GABRA2: variants seen among roughly 807,000 people sequenced by gnomAD.
The protein encoded by GABRA2 is gamma-aminobutyric acid receptor subunit alpha-2.
GABRA2 carries 16 observed loss-of-function variants against 48.7 expected under a neutral mutation model. That is an observed-to-expected ratio of 0.33 (90% confidence interval 0.22 to 0.50). The LOEUF is 0.50. GABRA2 is among the 20% of genes least tolerant of loss of function. The pLI, the probability that GABRA2 is intolerant of heterozygous loss-of-function variation, is 0.98. For synonymous variants in GABRA2, 185 were observed against 184.5 expected (o/e 1.00, Z -0.02); for missense variants, 275 against 535.6 (o/e 0.51, Z 4.80).
chr4:46,311,629 CAT>C (rs1727661194), intron 5 of GABRA2, among the ~76,000 whole-genome samples: 1 of 152,082 alleles, frequency 6.6e-6, no homozygotes, highest in South Asian at 2.1e-4. Flanking sequence ...CAGTTTAAAT[CAT>C]ATAAACAATG....
At chr4:46,374,401 T>C (rs1715376412) in intron 3 of GABRA2, among the ~76,000 whole-genome samples, 1 of 152,114 alleles carries the variant, frequency 6.6e-6, no homozygotes. Flanking sequence ...TTTGCCAACA[T>C]AATGGAAACC....
At chr4:46,262,759 G>T (rs493592) in intron 8 of GABRA2, among the ~76,000 whole-genome samples, 1 of 151,682 alleles carries the variant, frequency 6.6e-6, no homozygotes, top group Non-Finnish European at 1.5e-5. Flanking sequence ...TTAGCCCAGC[G>T]TGGTGGCAGG....
In GABRA2 at chr4:46,259,163, G is replaced by A. The variant is rs998933781; in HGVS notation, c.1059+2763C>T. Among the ~76,000 whole-genome samples, 19 of 151,828 alleles carry A rather than the reference G, an allele frequency of 1.3e-4. 1 individual carries two copies. The highest frequency in any genetic ancestry group is 1.1e-3 in the Admixed American group (16 of 15,194). ...GGTTTGAGAAAGCAAGAAGGAAAGA[G>A]ATCCAATCAAGAGCTAGGATGAAAG... is the stretch of plus-strand genomic sequence containing the variant. On this transcript the variant is annotated intron_variant, in intron 9 of 9. Transcript: ENST00000381620.
chr4:46,301,020 C>T (rs184135207), intron 8 of GABRA2, among the ~76,000 whole-genome samples: 24 of 152,140 alleles, frequency 1.6e-4, no homozygotes, highest in African/African-American at 2.6e-4. Flanking sequence ...GCTTTAGTTA[C>T]GCAAGATAAA....
At chr4:46,368,602 G>T (rs1052514817) in intron 3 of GABRA2, 3 of 193,000 alleles carry the variant, frequency 1.6e-5, no homozygotes, top group Non-Finnish European at 3.2e-5. Context: ...TTTCCGACTG[G>T]TTTTTTCATA....
At chr4:46,342,284 T>G (rs1733372002) in intron 3 of GABRA2, among the ~76,000 whole-genome samples, 1 of 152,074 alleles carries the variant, frequency 6.6e-6, no homozygotes, top group Admixed American at 6.6e-5. Flanking sequence ...TTATATAACC[T>G]CTGCCACTGC....
At chr4:46,355,417 C>T (rs1339077280) in intron 3 of GABRA2, among the ~76,000 whole-genome samples, 1 of 152,154 alleles carries the variant, frequency 6.6e-6, no homozygotes, top group East Asian at 1.9e-4. Context: ...CCTTTGCAAA[C>T]TCAGTAAAGG....
intron 3 of GABRA2, among the ~76,000 whole-genome samples, chr4:46,359,858 A>G (rs1241739946): frequency 1.3e-5 from 2 of 151,888 alleles, no homozygotes; most frequent in African/African-American, 4.8e-5. Flanking sequence ...CAGAGCTTGC[A>G]GTGAGCCAAG....
intron 3 of GABRA2, among the ~76,000 whole-genome samples, chr4:46,344,136 C>A (rs771545902): frequency 5.3e-5 from 8 of 151,836 alleles, no homozygotes; most frequent in Non-Finnish European, 1.0e-4. Context: ...AGGACGCAGT[C>A]CCAACATTTA....
intron 3 of GABRA2, among the ~76,000 whole-genome samples, chr4:46,371,468 A>AT (rs1488297056): frequency 1.3e-5 from 2 of 151,994 alleles, no homozygotes; most frequent in African/African-American, 4.8e-5. Context: ...TTCATTACAG[A>AT]TTTTTTCTTC....
chr4:46,327,457 C>T (rs1425879841), intron 4 of GABRA2, among the ~76,000 whole-genome samples: 3 of 151,976 alleles, frequency 2.0e-5, no homozygotes, highest in Admixed American at 6.6e-5. Flanking sequence ...ATGTCAATAA[C>T]CTTACAGCAA....
At chr4:46,369,240 C>A (rs1274610068) in intron 3 of GABRA2, among the ~76,000 whole-genome samples, 1 of 152,042 alleles carries the variant, frequency 6.6e-6, no homozygotes, top group Non-Finnish European at 1.5e-5. Context: ...ATCAGGGAAG[C>A]TATTACCGAA....
intron 3 of GABRA2, among the ~76,000 whole-genome samples, chr4:46,350,676 G>T (rs958435136): frequency 2.0e-5 from 3 of 151,620 alleles, no homozygotes; most frequent in Non-Finnish European, 4.4e-5. Flanking sequence ...CTGAGAAATG[G>T]ATAAATGAAT....
At chr4:46,319,676 A>G (rs1729125914) in intron 4 of GABRA2, among the ~76,000 whole-genome samples, 1 of 151,846 alleles carries the variant, frequency 6.6e-6, no homozygotes, top group African/African-American at 2.4e-5. Context: ...GCAGAACAAC[A>G]TAGCTACTGC....
intron 8 of GABRA2, among the ~76,000 whole-genome samples, chr4:46,281,957 G>A (rs1350506990): frequency 2.6e-5 from 4 of 152,170 alleles, no homozygotes; most frequent in Non-Finnish European, 5.9e-5. Context: ...GAGAAGGAAT[G>A]CATCCTGGTG....
chr4:46,326,257 C>T (rs1730352563), intron 4 of GABRA2, among the ~76,000 whole-genome samples: 1 of 151,876 alleles, frequency 6.6e-6, no homozygotes, highest in Non-Finnish European at 1.5e-5. Context: ...ACCCTCCTTC[C>T]CCAAGAAAGC....
chr4:46,389,776 C>T lies in GABRA2; in HGVS notation c.-52G>A. On this transcript the variant is annotated 5_prime_UTR_variant, in exon 1 of 10. Transcript: ENST00000381620. Reference sequence around the variant, plus strand: ...AATTCGGTGTTTTCTTCCTTTTGCCCTGATCTTGACGAGATAGGAAACTTG... The same window carrying T: ...AATTCGGTGTTTTCTTCCTTTTGCCTTGATCTTGACGAGATAGGAAACTTG... The T allele has an allele frequency of 1.0e-6, 1 of 964,228 alleles. No individual in the cohort carries two copies. Among genetic ancestry groups the T allele is most frequent in the Non-Finnish European group, 1.2e-6 (1 of 825,970 alleles). The allele number at this position is 964,228 out of a possible 1,614,324, so 59.7% of individuals were successfully genotyped here. A position where few individuals can be genotyped will look rare whatever the true frequency, so the allele number is the denominator to read the frequency against.
At chr4:46,374,062 A>G (rs537654679) in intron 3 of GABRA2, among the ~76,000 whole-genome samples, 173 of 152,246 alleles carry the variant, frequency 1.1e-3, no homozygotes, top group Non-Finnish European at 2.1e-3. Context: ...GAGTTTCTCT[A>G]TATGATCACA....
At chr4:46,360,282 T>C (rs898632606) in intron 3 of GABRA2, among the ~76,000 whole-genome samples, 2 of 152,226 alleles carry the variant, frequency 1.3e-5, no homozygotes, top group African/African-American at 4.8e-5. Flanking sequence ...TCTTGAATTG[T>C]AACTCCCATA....
Sources: allele counts gnomAD v4.1 joint callset (sites outside exome capture counted in the v4.1 genomes callset), GRCh38; gene constraint gnomAD v4.1.1; transcripts MANE v1.5; gene names NCBI Gene and HGNC (gene_info 2026-07-23, HGNC 2026-07-21).